The following ARHGAP17 variants were observed in gnomAD, a reference collection of about 807,000 sequenced individuals.
ARHGAP17 encodes Rho GTPase activating protein 17.
In ARHGAP17, 57 loss-of-function variants were observed where a neutral mutation model predicts 99.5. The observed-to-expected ratio is 0.57, with a 90% CI of 0.46 to 0.71. ARHGAP17 has a LOEUF of 0.71. Ranked by LOEUF, ARHGAP17 falls within the 30% of genes least tolerant of loss-of-function variation. The probability of loss-of-function intolerance (pLI) is 0.00; values close to 1 mark genes in which losing one functional copy is unlikely to be tolerated. For missense variants in ARHGAP17, 1,000 were observed against 1,122.4 expected (o/e 0.89, Z 1.56); for synonymous variants, 417 against 429.6 (o/e 0.97, Z 0.36).
chr16:24,935,978 C>A (rs2051128879), intron 17 of ARHGAP17: 15 of 342,474 alleles, frequency 4.4e-5, no homozygotes, highest in Admixed American at 8.6e-5. Flanking sequence ...AGATTCGTTG[C>A]ATCAGACTGG....
intron 12 of ARHGAP17, among the ~76,000 whole-genome samples, chr16:24,949,885 G>A (rs1475690311): frequency 6.6e-6 from 1 of 152,194 alleles, no homozygotes; most frequent in African/African-American, 2.4e-5. Context: ...AGGGGGCTGA[G>A]CTCCCAGGCA....
At position 24,977,099 on chromosome 16, in the gene ARHGAP17, T is replaced by C. The variant is rs552921275; in HGVS notation, c.198+116A>G. The C allele has an allele frequency of 7.7e-5, 52 of 672,792 alleles. 1 individual carries two copies. Among genetic ancestry groups the C allele is most frequent in the East Asian group, 2.2e-4 (7 of 31,610 alleles). 41.7% of individuals were successfully genotyped at this position (672,792 alleles called of 1,614,324 possible). A position where few individuals can be genotyped will look rare whatever the true frequency, so the allele number is the denominator to read the frequency against. The stretch of plus-strand genomic sequence containing the variant: ...CAGGTGTCATGAGCGTGCTTGGTGA[T>C]AGAAGTCACCAAAGGCTGATCCACT... On this transcript the variant is annotated intron_variant, in intron 3 of 19. Transcript: ENST00000289968.
At position 24,931,072 on chromosome 16, in the gene ARHGAP17, T is replaced by C. The variant is rs899885659; in HGVS notation, c.2227A>G (p.Ser743Gly). The C allele has an allele frequency of 6.2e-7, 1 of 1,605,442 alleles. No homozygotes were observed. The highest frequency in any genetic ancestry group is 8.5e-7 in the Non-Finnish European group (1 of 1,175,880). Residue 743 changes from serine to glycine, a missense_variant, in exon 19 of 20, where the codon AGT becomes GGT. Coordinates refer to ENST00000289968, the MANE Select transcript of ARHGAP17 (RefSeq NM_001006634.3). ...QGPPNPMALPSEHGLEQPSHT... is the reference protein window; with the variant it reads ...QGPPNPMALPGEHGLEQPSHT... ...GATGGCTGCTCAAGTCCATGCTCACTGGGCAATGCCATGGGGTTGGGAGGG... is the reference window on the plus strand; with the variant it reads ...GATGGCTGCTCAAGTCCATGCTCACCGGGCAATGCCATGGGGTTGGGAGGG...
intron 1 of ARHGAP17, among the ~76,000 whole-genome samples, chr16:24,996,686 CTG>C (rs1181371573): frequency 6.6e-6 from 1 of 152,136 alleles, no homozygotes; most frequent in Non-Finnish European, 1.5e-5. Context: ...GGGGTAATCT[CTG>C]TGTCTCCATT....
At chr16:24,983,175 T>G (rs2141384339) in intron 1 of ARHGAP17, among the ~76,000 whole-genome samples, 1 of 151,312 alleles carries the variant, frequency 6.6e-6, no homozygotes, top group East Asian at 2.0e-4. Flanking sequence ...CAGCTAATTT[T>G]TCTATTTTTA....
At chr16:24,942,323 G>A (rs1470906064) in intron 15 of ARHGAP17, among the ~76,000 whole-genome samples, 180 bp from the exon 16 acceptor site, 1 of 152,122 alleles carries the variant, frequency 6.6e-6, no homozygotes, top group Middle Eastern at 3.2e-3. Flanking sequence ...GGGAAGTAAT[G>A]TTAAGAGGAC....
In ARHGAP17 at chr16:24,930,914, C is replaced by A. The variant is rs778465553; in HGVS notation, c.2385G>T (p.Pro795=). ...TTGGCTTTGGTACTGGTCTCGGTCT[C>A]GGTAAGGTTCCAGCATGTGGCTGTG... ...ETAQPHAGTL[P]RPRPVPKPRN... Residue 795 remains proline, a synonymous_variant, in exon 19 of 20, where the codon CCG becomes CCT. Transcript: ENST00000289968. 1 of 1,613,694 alleles carries A rather than the reference C, an allele frequency of 6.2e-7. No individual in the cohort carries two copies. Among genetic ancestry groups the A allele is most frequent in the Admixed American group, 1.7e-5 (1 of 59,956 alleles).
At chr16:25,004,002 T>A (rs947440207) in intron 1 of ARHGAP17, among the ~76,000 whole-genome samples, 5 of 152,004 alleles carry the variant, frequency 3.3e-5, no homozygotes, top group Non-Finnish European at 7.4e-5. Context: ...AAGAATCACA[T>A]AATGGTTGCC....
rs747929231 is a variant in ARHGAP17, at chr16:24,939,465, C to G, written c.1623G>C (p.Glu541Asp). 1 of 1,611,060 alleles carries G rather than the reference C, an allele frequency of 6.2e-7. No homozygotes were observed. Among genetic ancestry groups the G allele is most frequent in the African/African-American group, 1.3e-5 (1 of 74,930 alleles). ...DGSTVVPAGP[E>D]PPPQSSRAES... is the part of the protein sequence containing the mutation. ...CAGCCCTAGAGCTCTGGGGAGGGGG[C>G]TCTGGGCCAGCGGGCACCACGGTGC... Residue 541 changes from glutamate to aspartate, a missense_variant, in exon 17 of 20, where the codon GAG (glutamate) becomes GAC (aspartate). Glu to Asp is a conservative substitution (Grantham distance 45). Transcript: ENST00000289968.
At chr16:24,995,712 G>A (rs755597705) in intron 1 of ARHGAP17, among the ~76,000 whole-genome samples, 2 of 152,118 alleles carry the variant, frequency 1.3e-5, no homozygotes, top group South Asian at 2.1e-4. Context: ...GAAGGACTGC[G>A]GAAAACACGG....
At chr16:24,937,274 T>TAGC (rs1474290029) in intron 17 of ARHGAP17, among the ~76,000 whole-genome samples, 1 of 151,644 alleles carries the variant, frequency 6.6e-6, no homozygotes, top group Non-Finnish European at 1.5e-5. Context: ...ATACAAAAAT[T>TAGC]AGCCAGGCAT....
At chr16:24,933,443 C>T (rs1330541315) in intron 18 of ARHGAP17, among the ~76,000 whole-genome samples, 3 of 151,260 alleles carry the variant, frequency 2.0e-5, no homozygotes, top group Non-Finnish European at 4.4e-5. Flanking sequence ...TATCACGCCA[C>T]TGCATTCCAG....
chr16:24,954,907 G>T, intron 9 of ARHGAP17, 177 bp from the exon 10 acceptor site: 1 of 869,016 alleles, frequency 1.2e-6, no homozygotes, highest in Non-Finnish European at 1.7e-6. Context: ...AGCAAACTAT[G>T]GACCAGGCTG....
chr16:24,954,921 C>T (rs1367359586), intron 9 of ARHGAP17, 191 bp from the exon 10 acceptor site: 12 of 770,676 alleles, frequency 1.6e-5, no homozygotes, highest in East Asian at 9.0e-5. Flanking sequence ...CAGGCTGGGG[C>T]GGTTACTTGT....
chr16:24,938,773 GA>G (rs111587139), intron 17 of ARHGAP17, among the ~76,000 whole-genome samples: 6,999 of 81,214 alleles, frequency 0.086, 572 homozygotes, highest in African/African-American at 0.22. Flanking sequence ...CGCAGTCTCA[GA>G]AAAAAAAAAA....
chr16:24,938,371 A>C (rs1204985742), intron 17 of ARHGAP17, among the ~76,000 whole-genome samples: 2 of 151,954 alleles, frequency 1.3e-5, no homozygotes, highest in Non-Finnish European at 2.9e-5. Flanking sequence ...CAAAAAAAAA[A>C]ACCTCAAGTT....
chr16:24,971,621 C>T (rs1235798280), intron 3 of ARHGAP17, among the ~76,000 whole-genome samples: 1 of 152,204 alleles, frequency 6.6e-6, no homozygotes, highest in African/African-American at 2.4e-5. Flanking sequence ...AGCCACCGCA[C>T]CCAGTCTAAA....
In ARHGAP17 at chr16:24,926,525, G is replaced by A. The variant is rs532600800; in HGVS notation, c.2515+4259C>T. Reference sequence around the variant, plus strand: ...GATCCACCCGCCTCAGCCTCCCAAAGTGCTGGGATTACAGGCGTGAGCCAC... The same window carrying A: ...GATCCACCCGCCTCAGCCTCCCAAAATGCTGGGATTACAGGCGTGAGCCAC... On this transcript the variant is annotated intron_variant, in intron 19 of 19. Transcript: ENST00000289968. Among the ~76,000 whole-genome samples, 4 of 152,308 alleles carry A rather than the reference G, an allele frequency of 2.6e-5. No individual in the cohort carries two copies. The East Asian group carries it at 7.7e-4, about 29-fold the overall frequency.
intron 1 of ARHGAP17, among the ~76,000 whole-genome samples, chr16:24,990,535 G>A (rs2053008109): frequency 6.6e-6 from 1 of 151,862 alleles, no homozygotes; most frequent in Admixed American, 6.6e-5. Context: ...GTGAGCACTT[G>A]TAGTCCAGCT....
Sources: gnomAD v4.1 joint callset for allele counts (sites outside exome capture counted in the v4.1 genomes callset) on GRCh38, gnomAD v4.1.1 for gene constraint, MANE v1.5 for transcripts, NCBI Gene and HGNC (gene_info 2026-07-23, HGNC 2026-07-21) for gene names.